Variants in MTHFD2L observed in about 807,000 individuals in gnomAD.
MTHFD2L encodes the protein bifunctional methylenetetrahydrofolate dehydrogenase/cyclohydrolase 2, mitochondrial.
Under a neutral mutation model 34.9 loss-of-function variants are expected in MTHFD2L, and 29 were observed. The ratio of observed to expected loss-of-function variants is 0.83; its 90% CI spans 0.62 to 1.13. The LOEUF (loss-of-function observed/expected upper bound fraction) is 1.13, where lower values mean the gene tolerates loss of function less well. MTHFD2L is among the 50% of genes most tolerant of loss of function. The pLI is 0.00. For synonymous variants in MTHFD2L, 167 were observed against 155.7 expected, an observed-to-expected ratio of 1.07 and a Z score of -0.54; for missense variants, 481 against 446.5, an observed-to-expected ratio of 1.08 and a Z score of -0.70.
intron 6 of MTHFD2L, among the ~76,000 whole-genome samples, chr4:74,260,522 C>G (rs1744547013): frequency 6.6e-6 from 1 of 151,980 alleles, no homozygotes; most frequent in Admixed American, 6.6e-5. Context: ...AAGGCACTCA[C>G]TATAGAATGA....
intron 1 of MTHFD2L, among the ~76,000 whole-genome samples, chr4:74,130,374 A>G (rs1335522089): frequency 1.3e-5 from 2 of 152,204 alleles, no homozygotes; most frequent in South Asian, 2.1e-4. Context: ...CAGCACATGA[A>G]AAAGCTTATC....
At chr4:74,241,579 AT>A in intron 6 of MTHFD2L, 1 of 448,992 alleles carries the variant, frequency 2.2e-6, no homozygotes, top group Non-Finnish European at 4.5e-6. Flanking sequence ...AGATTTCACC[AT>A]TTTGCCCAGG....
At chr4:74,167,047 A>G (rs1035235155) in intron 1 of MTHFD2L, among the ~76,000 whole-genome samples, 5 of 152,186 alleles carry the variant, frequency 3.3e-5, no homozygotes, top group African/African-American at 9.6e-5. Flanking sequence ...GATGGCCCCT[A>G]TGAACCTAGG....
chr4:74,270,721 T>G (rs1338765197), intron 6 of MTHFD2L, among the ~76,000 whole-genome samples: 1 of 152,230 alleles, frequency 6.6e-6, no homozygotes, highest in Non-Finnish European at 1.5e-5. Context: ...GTATTTCTAG[T>G]TCTAGATACC....
chr4:74,186,424 T>C (rs888581739), intron 3 of MTHFD2L, among the ~76,000 whole-genome samples: 15 of 63,758 alleles, frequency 2.4e-4, no homozygotes, highest in South Asian at 5.3e-4. Context: ...CATGGAAAAT[T>C]CAAGGGAATC....
At chr4:74,163,948 T>C (rs1447861818) in intron 1 of MTHFD2L, among the ~76,000 whole-genome samples, 4 of 152,238 alleles carry the variant, frequency 2.6e-5, no homozygotes, top group African/African-American at 9.6e-5. Flanking sequence ...CGATCTTGGC[T>C]CACTGCAAAC....
chr4:74,225,463 A>C (rs970135513), intron 6 of MTHFD2L, 69 bp downstream of exon 6: 9 of 1,288,882 alleles, frequency 7.0e-6, no homozygotes, highest in Non-Finnish European at 8.9e-6. Flanking sequence ...AAATGCTGAC[A>C]TGTTTGAAAG....
intron 7 of MTHFD2L, among the ~76,000 whole-genome samples, chr4:74,299,999 G>A (rs1750094859): frequency 6.6e-6 from 1 of 151,980 alleles, no homozygotes; most frequent in Admixed American, 6.6e-5. Flanking sequence ...ATGGAATAAT[G>A]ATCCAGGTAG....
intron 5 of MTHFD2L, among the ~76,000 whole-genome samples, chr4:74,204,943 G>A (rs773839960): frequency 9.2e-5 from 14 of 152,174 alleles, no homozygotes; most frequent in East Asian, 7.7e-4. Flanking sequence ...AGTATACTTC[G>A]TGTTATGAAA....
intron 6 of MTHFD2L, among the ~76,000 whole-genome samples, chr4:74,248,352 C>G (rs1197773956): frequency 6.6e-6 from 1 of 152,160 alleles, no homozygotes; most frequent in East Asian, 1.9e-4. Flanking sequence ...TTTATTGCGT[C>G]TATTTGATTC....
At chr4:74,141,156 G>A (rs1723254095) in intron 1 of MTHFD2L, among the ~76,000 whole-genome samples, 1 of 152,206 alleles carries the variant, frequency 6.6e-6, no homozygotes, top group Middle Eastern at 3.4e-3. Flanking sequence ...CATCTTATTA[G>A]GGTAGTTTAC....
At chr4:74,291,188 T>C (rs1260629521) in intron 7 of MTHFD2L, among the ~76,000 whole-genome samples, 3 of 151,486 alleles carry the variant, frequency 2.0e-5, no homozygotes, top group Non-Finnish European at 4.4e-5. Context: ...AGGTAATTTT[T>C]GCATTTTTAG....
intron 3 of MTHFD2L, among the ~76,000 whole-genome samples, chr4:74,185,151 C>CAAAAAA (rs1169021073): frequency 0.015 from 247 of 15,962 alleles, 20 homozygotes; most frequent in East Asian, 0.031. Flanking sequence ...GACTCCATCT[C>CAAAAAA]AAAAAAAAAA....
At chr4:74,163,502 A>G (rs1020067037) in intron 1 of MTHFD2L, among the ~76,000 whole-genome samples, 1 of 151,914 alleles carries the variant, frequency 6.6e-6, no homozygotes, top group African/African-American at 2.4e-5. Context: ...CTGGATACGA[A>G]GAAGAGTCAT....
intron 1 of MTHFD2L, among the ~76,000 whole-genome samples, chr4:74,164,142 C>T (rs1286559415): frequency 3.3e-5 from 5 of 152,196 alleles, no homozygotes; most frequent in Non-Finnish European, 7.3e-5. Context: ...TCCCAAAGTG[C>T]TGGGATTACA....
At chr4:74,186,448 A>AAC (rs1445476068) in intron 3 of MTHFD2L, among the ~76,000 whole-genome samples, 9 of 150,734 alleles carry the variant, frequency 6.0e-5, no homozygotes, top group South Asian at 4.2e-4. Flanking sequence ...GAAAAAAAAA[A>AAC]AAAAAAAAAA....
At chr4:74,239,042 T>A (rs866118792) in intron 6 of MTHFD2L, among the ~76,000 whole-genome samples, 2 of 152,240 alleles carry the variant, frequency 1.3e-5, no homozygotes, top group South Asian at 2.1e-4. Context: ...ACATGTATGT[T>A]CATTGTGGCA....
intron 6 of MTHFD2L, among the ~76,000 whole-genome samples, chr4:74,243,538 T>G (rs187429576): frequency 6.6e-6 from 1 of 152,316 alleles, no homozygotes; most frequent in Admixed American, 6.5e-5. Context: ...TTTTGTTGTT[T>G]TATTTGTTTG....
chr4:74,279,007 A>G (rs1324132104), intron 6 of MTHFD2L, among the ~76,000 whole-genome samples: 3 of 152,104 alleles, frequency 2.0e-5, no homozygotes, highest in Admixed American at 1.3e-4. Context: ...CATCTAACCT[A>G]CATTTTTCCA....
Sources: gnomAD v4.1 joint callset for allele counts (sites outside exome capture counted in the v4.1 genomes callset) on GRCh38, gnomAD v4.1.1 for gene constraint, MANE v1.5 for transcripts, NCBI Gene and HGNC (gene_info 2026-07-23, HGNC 2026-07-21) for gene names.